The following RAF1 variants were observed in gnomAD, a reference collection of about 807,000 sequenced individuals.
The protein encoded by RAF1 is Raf-1 proto-oncogene, serine/threonine kinase, also known as RAF proto-oncogene serine/threonine-protein kinase.
In RAF1, 27 loss-of-function variants were observed where a neutral mutation model predicts 81.1. The observed-to-expected ratio is 0.33, with a 90% CI of 0.25 to 0.46. The LOEUF is 0.46. Among genes scored for constraint, RAF1 ranks in the 20% least tolerant of loss-of-function variants. The pLI, the probability that RAF1 is intolerant of heterozygous loss-of-function variation, is 1.00. For synonymous variants in RAF1, 298 were observed against 294.0 expected (o/e 1.01, Z -0.14); for missense variants, 598 against 826.0 (o/e 0.72, Z 3.38).
chr3:12,654,287 C>G (rs1465777680), intron 1 of RAF1, among the ~76,000 whole-genome samples: 1 of 151,628 alleles, frequency 6.6e-6, no homozygotes, highest in Non-Finnish European at 1.5e-5. Context: ...AGAGGCTGGC[C>G]CTAAATACAT....
chr3:12,620,533 T>G (rs1337932809), intron 1 of RAF1, among the ~76,000 whole-genome samples: 1 of 152,074 alleles, frequency 6.6e-6, no homozygotes. Flanking sequence ...TGCAGTGACA[T>G]GATCACAGCT....
At chr3:12,603,755 T>C (rs1197373398) in intron 7 of RAF1, among the ~76,000 whole-genome samples, 1 of 152,188 alleles carries the variant, frequency 6.6e-6, no homozygotes, top group Non-Finnish European at 1.5e-5. Context: ...CACCCTTTTA[T>C]TTCTAAATAA....
At chr3:12,662,728 T>C (rs1211996681) in intron 1 of RAF1, among the ~76,000 whole-genome samples, 2 of 152,078 alleles carry the variant, frequency 1.3e-5, no homozygotes, top group Non-Finnish European at 2.9e-5. Context: ...TACTCACAGG[T>C]GTTTCAAAAC....
At chr3:12,661,372 C>T (rs987308465) in intron 1 of RAF1, among the ~76,000 whole-genome samples, 3 of 152,064 alleles carry the variant, frequency 2.0e-5, no homozygotes, top group Non-Finnish European at 4.4e-5. Flanking sequence ...TTTCTATAGT[C>T]GTCCAATTTC....
chr3:12,623,366 G>A (rs1348239917), intron 1 of RAF1, among the ~76,000 whole-genome samples: 1 of 152,210 alleles, frequency 6.6e-6, no homozygotes, highest in African/African-American at 2.4e-5. Context: ...GTACTCAGTA[G>A]AGAATATACT....
intron 13 of RAF1, chr3:12,589,692 G>A (rs1479820706): frequency 1.3e-5 from 2 of 152,154 alleles, no homozygotes; most frequent in African/African-American, 4.8e-5. Context: ...TGGAGCCCAG[G>A]AGTTCAAGGA....
At chr3:12,606,457 A>G (rs1166243673) in intron 5 of RAF1, among the ~76,000 whole-genome samples, 158 bp from the exon 6 acceptor site, 1 of 152,254 alleles carries the variant, frequency 6.6e-6, no homozygotes, top group Non-Finnish European at 1.5e-5. Context: ...AAAGGGAACA[A>G]TATTCCAAAT....
intron 1 of RAF1, among the ~76,000 whole-genome samples, chr3:12,624,890 A>C (rs1316623242): frequency 1.9e-5 from 1 of 52,964 alleles, no homozygotes; most frequent in Admixed American, 2.0e-4. Context: ...CAACTCAAAA[A>C]AAAAAAAAAA....
chr3:12,624,177 T>G (rs1286857499), intron 1 of RAF1, among the ~76,000 whole-genome samples: 1 of 152,102 alleles, frequency 6.6e-6, no homozygotes, highest in Non-Finnish European at 1.5e-5. Context: ...TCATGGCACA[T>G]ACTCATACAA....
At position 12,603,480 on chromosome 3, in the gene RAF1, T is replaced by A; in HGVS notation, c.892A>T (p.Arg298Ter). Residue 298 changes from arginine (R) to a stop codon, truncating the protein, a stop_gained and splice_region_variant, in exon 8 of 18, where the codon AGA becomes TGA. Transcript: ENST00000442415. LOFTEE classifies it high-confidence loss of function. ...AAGGCATGAAGAAAAATACCTACTC[T>A]TCCCCTCAAACAAAATCGTCTGGAC... The A allele has an allele frequency of 1.4e-6, 1 of 699,016 alleles. No homozygotes were observed. Among genetic ancestry groups the A allele is most frequent in the South Asian group, 1.5e-5 (1 of 67,080 alleles). The allele number at this position is 699,016 out of a possible 1,614,324, so 43.3% of individuals were successfully genotyped here.
chr3:12,592,358 T>C (rs866869326), intron 11 of RAF1, among the ~76,000 whole-genome samples: 2 of 152,200 alleles, frequency 1.3e-5, no homozygotes, highest in African/African-American at 4.8e-5. Context: ...AGATGGTCCC[T>C]AGTAAAAATT....
chr3:12,642,514 GA>G (rs892538922), intron 1 of RAF1, among the ~76,000 whole-genome samples: 13 of 145,704 alleles, frequency 8.9e-5, no homozygotes, highest in South Asian at 6.5e-4. Flanking sequence ...TCCATCTCAG[GA>G]AAAAAAAAAT....
At chr3:12,613,675 G>C (rs2059288080) in intron 2 of RAF1, among the ~76,000 whole-genome samples, 3 of 152,216 alleles carry the variant, frequency 2.0e-5, no homozygotes. Flanking sequence ...CTAGGGCATA[G>C]TATGTGGATG....
intron 3 of RAF1, among the ~76,000 whole-genome samples, chr3:12,610,355 C>T (rs1273376339): frequency 6.6e-6 from 1 of 152,174 alleles, no homozygotes; most frequent in Non-Finnish European, 1.5e-5. Flanking sequence ...TCCTATAACT[C>T]CAAAGGACTA....
intron 1 of RAF1, among the ~76,000 whole-genome samples, chr3:12,656,977 A>C (rs1209658944): frequency 4.6e-5 from 7 of 151,216 alleles, no homozygotes; most frequent in Admixed American, 4.0e-4. Context: ...AGCCTTTGTG[A>C]TAAGAGTGAA....
intron 1 of RAF1, among the ~76,000 whole-genome samples, chr3:12,651,653 C>CA (rs58108878): frequency 0.28 from 33,771 of 120,788 alleles, 4,841 homozygotes; most frequent in South Asian, 0.53. Context: ...GACTTGGTCT[C>CA]AAAAAAAAAA....
At chr3:12,585,033 ATAACAAGTCC>A in intron 16 of RAF1, 52 bp from the exon 16 acceptor site, 1 of 1,614,066 alleles carries the variant, frequency 6.2e-7, no homozygotes. Flanking sequence ...ACAACAGATA[ATAACAAGTCC>A]TAACCCTCTA....
At chr3:12,636,452 A>AAAAC (rs1553620598) in intron 1 of RAF1, among the ~76,000 whole-genome samples, 1 of 150,214 alleles carries the variant, frequency 6.7e-6, no homozygotes, top group Non-Finnish European at 1.5e-5. Flanking sequence ...TTAAAAAAAA[A>AAAAC]AAAACTGATT....
chr3:12,595,608 TCTC>T (rs1190021941), intron 11 of RAF1, among the ~76,000 whole-genome samples: 1 of 152,016 alleles, frequency 6.6e-6, no homozygotes, highest in Admixed American at 6.6e-5. Context: ...AGCCATAAGA[TCTC>T]CTTGAGTTCT....
Sources: allele counts gnomAD v4.1 joint callset (sites outside exome capture counted in the v4.1 genomes callset), GRCh38; gene constraint gnomAD v4.1.1; transcripts MANE v1.5; gene names NCBI Gene and HGNC (gene_info 2026-07-23, HGNC 2026-07-21).